Variants in CACUL1 observed in about 807,000 individuals in gnomAD.
CACUL1 encodes the protein CDK2 associated cullin domain 1, also known as CDK2-associated and cullin domain-containing protein 1.
Under a neutral mutation model 45.2 loss-of-function variants are expected in CACUL1, and 13 were observed. That is an observed-to-expected ratio of 0.29 (90% CI 0.19 to 0.46). The LOEUF (loss-of-function observed/expected upper bound fraction) is 0.46, where lower values mean the gene tolerates loss of function less well. Ranked by LOEUF, CACUL1 falls within the 20% of genes least tolerant of loss-of-function variation. The probability of loss-of-function intolerance (pLI) is 1.00; values close to 1 mark genes in which losing one functional copy is unlikely to be tolerated. For missense variants in CACUL1, 421 were observed against 471.4 expected (o/e 0.89, Z 0.99); for synonymous variants, 197 against 174.2 (o/e 1.13, Z -1.03).
chr10:118,686,286 A>T (rs1029382952), intron 8 of CACUL1, 118 bp from the exon 9 acceptor site: 85 of 861,274 alleles, frequency 9.9e-5, no homozygotes, highest in Non-Finnish European at 1.3e-4. Context: ...AAAAAGGCTT[A>T]AAAAAAATCC....
chr10:118,720,710 G>A (rs974182288), intron 3 of CACUL1, among the ~76,000 whole-genome samples: 12 of 152,132 alleles, frequency 7.9e-5, no homozygotes, highest in Non-Finnish European at 1.8e-4. Context: ...ACTTTTTACT[G>A]GATCTCTATT....
rs532776411 is a variant in CACUL1 at position 118,699,795 on chromosome 10, G to A, written c.796+1511C>T. On this transcript the variant is annotated intron_variant, in intron 5 of 8. Coordinates refer to ENST00000369151, the MANE Select transcript of CACUL1 (RefSeq NM_153810.5). ...CAAGTAGCTGGGACTACAGGCGCCC[G>A]CCACCATGCCCGGCTAATTTTTTTT... 1.6e-4 allele frequency among the ~76,000 whole-genome samples: 25 copies of A among 152,072 alleles called. 1 individual carries two copies. The East Asian group carries it at 3.9e-3, about 24-fold the overall frequency.
chr10:118,720,072 TAG>T (rs1474217985), intron 3 of CACUL1, among the ~76,000 whole-genome samples: 2 of 152,222 alleles, frequency 1.3e-5, no homozygotes, highest in African/African-American at 4.8e-5. Flanking sequence ...TCTTTTCACT[TAG>T]ATCTTTTACT....
chr10:118,727,851 G>A (rs947989925), intron 3 of CACUL1, among the ~76,000 whole-genome samples: 22 of 152,178 alleles, frequency 1.4e-4, no homozygotes, highest in African/African-American at 4.3e-4. Context: ...AGCGAGACCC[G>A]AAGTCCATAA....
At chr10:118,727,778 A>G (rs1845664862) in intron 3 of CACUL1, among the ~76,000 whole-genome samples, 1 of 152,228 alleles carries the variant, frequency 6.6e-6, no homozygotes, top group Non-Finnish European at 1.5e-5. Context: ...AAAACAGTCG[A>G]GAAATGATGA....
intron 3 of CACUL1, among the ~76,000 whole-genome samples, chr10:118,725,161 T>C (rs1845640203): frequency 6.6e-6 from 1 of 152,170 alleles, no homozygotes; most frequent in Non-Finnish European, 1.5e-5. Flanking sequence ...AAATAGAACT[T>C]CGTTATTACT....
At position 118,684,464 on chromosome 10, in the gene CACUL1, C is replaced by G. The variant is rs997424258; in HGVS notation, c.*1664G>C. On this transcript the variant is annotated 3_prime_UTR_variant, in exon 9 of 9. Transcript: ENST00000369151. Reference sequence around the variant, plus strand: ...TAGTGAGAGCCTGTCTATGTTCTTACAGTAATTCAGTGTTCATCGATGCAA... The same window carrying G: ...TAGTGAGAGCCTGTCTATGTTCTTAGAGTAATTCAGTGTTCATCGATGCAA... 3.9e-5 allele frequency: 6 copies of G among 152,208 alleles called. No homozygotes were observed. The highest frequency in any genetic ancestry group is 4.4e-5 in the Non-Finnish European group (3 of 68,046). The allele number at this position is 152,208 out of a possible 1,614,324, so 9.4% of individuals were successfully genotyped here. A position where few individuals can be genotyped will look rare whatever the true frequency, so the allele number is the denominator to read the frequency against.
In CACUL1 at chr10:118,680,315, A is replaced by G. The variant is rs1656090661; in HGVS notation, c.*5813T>C. On this transcript the variant is annotated 3_prime_UTR_variant, in exon 9 of 9. Coordinates refer to ENST00000369151, the MANE Select transcript of CACUL1 (RefSeq NM_153810.5). ...AAACCTGCTAAAAGGGAAAGAGTTT[A>G]AATGACACCCTACTTAACTGTGGGG... 1 of 152,192 alleles carries G rather than the reference A, an allele frequency of 6.6e-6. No individual in the cohort carries two copies. Among genetic ancestry groups the G allele is most frequent in the African/African-American group, 2.4e-5 (1 of 41,436 alleles). 9.4% of individuals were successfully genotyped at this position (152,192 alleles called of 1,614,324 possible). A position where few individuals can be genotyped will look rare whatever the true frequency, so the allele number is the denominator to read the frequency against.
chr10:118,719,832 C>A (rs553002353), intron 3 of CACUL1, among the ~76,000 whole-genome samples: 84 of 151,748 alleles, frequency 5.5e-4, no homozygotes, highest in Non-Finnish European at 1.1e-3. Context: ...AAAGGAATTT[C>A]TTTCCAAATA....
At chr10:118,698,818 C>T (rs1022605180) in intron 5 of CACUL1, among the ~76,000 whole-genome samples, 6 of 152,070 alleles carry the variant, frequency 3.9e-5, no homozygotes, top group East Asian at 3.9e-4. Context: ...TGTTATACAC[C>T]GATAATAAAT....
chr10:118,719,511 C>T (rs1188002336), intron 3 of CACUL1, among the ~76,000 whole-genome samples: 1 of 152,168 alleles, frequency 6.6e-6, no homozygotes, highest in African/African-American at 2.4e-5. Context: ...AAAGACGCTT[C>T]ATAAAAATGG....
At chr10:118,753,503 A>G (rs1011861213) in intron 1 of CACUL1, among the ~76,000 whole-genome samples, 4 of 152,340 alleles carry the variant, frequency 2.6e-5, no homozygotes, top group Admixed American at 2.0e-4. Context: ...CATTTTCAAC[A>G]TCCTATCACC....
rs756628539 is a variant in CACUL1, at chr10:118,701,397, G to A, written c.705C>T (p.Tyr235=). 23 of 1,538,982 alleles carry A rather than the reference G, an allele frequency of 1.5e-5. No individual in the cohort carries two copies. The highest frequency in any genetic ancestry group is 1.9e-5 in the Non-Finnish European group (21 of 1,127,558). The change falls in exon 5 of 9, where the codon TAC becomes TAT. Residue 235 remains tyrosine (Y), a synonymous_variant. Transcript: ENST00000369151. Reference sequence around the variant, plus strand: ...AGTCTCTGTTAAGCTTGGTTTCGATGTAAAACTTATTCTGAAAAATAAAAT... The same window carrying A: ...AGTCTCTGTTAAGCTTGGTTTCGATATAAAACTTATTCTGAAAAATAAAAT... The part of the protein sequence containing the change: ...VPLFIYMNKF[Y]IETKLNRDLK...
At chr10:118,732,516 G>C (rs1248812106) in intron 1 of CACUL1, among the ~76,000 whole-genome samples, 1 of 152,120 alleles carries the variant, frequency 6.6e-6, no homozygotes, top group Non-Finnish European at 1.5e-5. Context: ...GCTTGCGGGA[G>C]GAGCAGGTAA....
intron 4 of CACUL1, among the ~76,000 whole-genome samples, chr10:118,702,997 G>C (rs1241803595): frequency 2.0e-5 from 3 of 151,846 alleles, no homozygotes; most frequent in Non-Finnish European, 4.4e-5. Flanking sequence ...TTTGGAGATA[G>C]TGTTTCAATT....
intron 1 of CACUL1, among the ~76,000 whole-genome samples, chr10:118,741,251 T>C (rs1845790310): frequency 6.6e-6 from 1 of 152,202 alleles, no homozygotes; most frequent in Non-Finnish European, 1.5e-5. Context: ...AAGTACTGTT[T>C]TTGTTTTTTA....
intron 4 of CACUL1, among the ~76,000 whole-genome samples, chr10:118,705,805 A>G (rs1199908801): frequency 6.6e-6 from 1 of 152,238 alleles, no homozygotes; most frequent in East Asian, 1.9e-4. Flanking sequence ...TTAACATTTC[A>G]AACTATTTTC....
At chr10:118,691,229 CA>C (rs748307166) in intron 7 of CACUL1, 35 bp downstream of exon 7, 1 of 1,580,298 alleles carries the variant, frequency 6.3e-7, no homozygotes, top group Admixed American at 1.7e-5. Context: ...GGGAAATGGA[CA>C]TATTTGACCA....
At position 118,677,583 on chromosome 10, in the gene CACUL1, ATACT is replaced by A. The variant is rs1564824778; in HGVS notation, c.*8541_*8544del. The stretch of plus-strand genomic sequence containing the variant: ...ACTTGTGTCTGAGTCCCTAAACAAT[ATACT>A]TAGTTTTTTCTGATTTTGAACTTTA... On this transcript the variant is annotated 3_prime_UTR_variant, in exon 9 of 9. Transcript: ENST00000369151. 1 of 152,258 alleles carries A rather than the reference ATACT, an allele frequency of 6.6e-6. No homozygotes were observed. Among genetic ancestry groups the A allele is most frequent in the Admixed American group, 6.5e-5 (1 of 15,304 alleles). The allele number at this position is 152,258 out of a possible 1,614,324, so 9.4% of individuals were successfully genotyped here. A position where few individuals can be genotyped will look rare whatever the true frequency, so the allele number is the denominator to read the frequency against.
Sources: gnomAD v4.1 joint callset for allele counts (sites outside exome capture counted in the v4.1 genomes callset) on GRCh38, gnomAD v4.1.1 for gene constraint, MANE v1.5 for transcripts, NCBI Gene and HGNC (gene_info 2026-07-23, HGNC 2026-07-21) for gene names.